Variants in DLEU7 observed in about 807,000 individuals in gnomAD.
DLEU7 encodes leukemia-associated protein 7.
Under a neutral mutation model 16.0 loss-of-function variants are expected in DLEU7, and 17 were observed. The ratio of observed to expected loss-of-function variants is 1.06; its 90% CI spans 0.73 to 1.59. DLEU7 has a LOEUF of 1.59. Among genes scored for constraint, DLEU7 ranks in the 40% most tolerant of loss-of-function variants. The pLI, the probability that DLEU7 is intolerant of heterozygous loss-of-function variation, is 0.00. For synonymous variants in DLEU7, 113 were observed against 139.8 expected (o/e 0.81, Z 1.35); for missense variants, 308 against 314.9 (o/e 0.98, Z 0.17).
intron 1 of DLEU7, among the ~76,000 whole-genome samples, chr13:50,775,264 A>C (rs947840831): frequency 5.3e-5 from 8 of 152,146 alleles, no homozygotes; most frequent in Admixed American, 3.9e-4. Context: ...AGGTAGCTAA[A>C]TTACAGGCAG....
chr13:50,790,794 C>T (rs913315145), intron 1 of DLEU7, among the ~76,000 whole-genome samples: 1 of 152,278 alleles, frequency 6.6e-6, no homozygotes, highest in Admixed American at 6.5e-5. Context: ...AGATTAGCCA[C>T]GGATGCTCTC....
chr13:50,752,052 C>CTTTTTTTTTTT (rs200928092), intron 1 of DLEU7, among the ~76,000 whole-genome samples: 18 of 135,750 alleles, frequency 1.3e-4, no homozygotes, highest in Admixed American at 3.1e-4. Context: ...CTCTTTCAGT[C>CTTTTTTTTTTT]TTTTTTTTTT....
At chr13:50,746,975 A>G (rs9316503) in intron 1 of DLEU7, among the ~76,000 whole-genome samples, 2,263 of 152,284 alleles carry the variant, frequency 0.015, 52 homozygotes, top group African/African-American at 0.051. Flanking sequence ...ACACACATGT[A>G]TAGAGTGAAT....
intron 1 of DLEU7, among the ~76,000 whole-genome samples, chr13:50,799,915 A>G (rs7983074): frequency 0.21 from 31,425 of 152,234 alleles, 4,882 homozygotes; most frequent in African/African-American, 0.42. Flanking sequence ...GATTTGCTGC[A>G]TAACTACTGG....
intron 1 of DLEU7, among the ~76,000 whole-genome samples, chr13:50,749,496 C>A (rs1874498911): frequency 6.6e-6 from 1 of 152,160 alleles, no homozygotes. Context: ...ACTTTTACTT[C>A]TTTAAGGCAT....
At chr13:50,782,969 C>T (rs555674536) in intron 1 of DLEU7, among the ~76,000 whole-genome samples, 16 of 152,276 alleles carry the variant, frequency 1.1e-4, no homozygotes, top group Admixed American at 1.0e-3. Context: ...TGTCTCTTTT[C>T]TATTCTTCCT....
intron 1 of DLEU7, among the ~76,000 whole-genome samples, chr13:50,764,451 C>A (rs1057088515): frequency 6.6e-6 from 1 of 152,228 alleles, no homozygotes; most frequent in Non-Finnish European, 1.5e-5. Context: ...AACAAAACCT[C>A]TGGATGGCCG....
chr13:50,790,672 A>G (rs1245919437), intron 1 of DLEU7, among the ~76,000 whole-genome samples: 2 of 152,078 alleles, frequency 1.3e-5, no homozygotes, highest in Non-Finnish European at 2.9e-5. Flanking sequence ...GGGTGGGCGG[A>G]CAACGTGCTG....
chr13:50,723,481 A>G (rs917181442), intron 1 of DLEU7, among the ~76,000 whole-genome samples: 1 of 151,974 alleles, frequency 6.6e-6, no homozygotes, highest in Admixed American at 6.6e-5. Context: ...ACTAAATACC[A>G]TAGGCGGGGT....
chr13:50,798,423 A>G (rs541848589), intron 1 of DLEU7, among the ~76,000 whole-genome samples: 1 of 152,310 alleles, frequency 6.6e-6, no homozygotes, highest in African/African-American at 2.4e-5. Flanking sequence ...ACTGACACCT[A>G]GGCAATTTGT....
chr13:50,752,324 T>C (rs1246515292), intron 1 of DLEU7, among the ~76,000 whole-genome samples: 1 of 152,142 alleles, frequency 6.6e-6, no homozygotes, highest in East Asian at 1.9e-4. Flanking sequence ...GTGCTGGGAT[T>C]TCAGGTGTGA....
At chr13:50,727,476 A>G (rs1404722861) in intron 1 of DLEU7, among the ~76,000 whole-genome samples, 1 of 152,174 alleles carries the variant, frequency 6.6e-6, no homozygotes, top group Non-Finnish European at 1.5e-5. Context: ...ATGCAATCAC[A>G]GTATTTTCTT....
chr13:50,748,317 CT>C (rs1874463033), intron 1 of DLEU7, among the ~76,000 whole-genome samples: 1 of 135,074 alleles, frequency 7.4e-6, no homozygotes, highest in Non-Finnish European at 1.5e-5. Flanking sequence ...TTGACTGCTG[CT>C]TTCACAGGAC....
At chr13:50,746,815 G>A (rs571980391) in intron 1 of DLEU7, among the ~76,000 whole-genome samples, 23 of 152,280 alleles carry the variant, frequency 1.5e-4, no homozygotes, top group African/African-American at 5.5e-4. Context: ...ACCAAAAAAG[G>A]ATCAGCATTC....
rs539322410 is a variant in DLEU7, at chr13:50,781,795, TA to T, written c.459+61392del. ...TTTGCCTTAGATGAAATAGAACAAA[TA>T]AAAAAAAATTCTACTGAATTGTTTT... On this transcript the variant is annotated intron_variant, in intron 1 of 1. Transcript: ENST00000400393. Among the ~76,000 whole-genome samples the T allele has an allele frequency of 3.1e-3, 465 of 151,866 alleles. 2 individuals are homozygous for T. The highest frequency in any genetic ancestry group is 0.011 in the African/African-American group (436 of 41,432).
chr13:50,753,113 G>GAC (rs35619086), intron 1 of DLEU7, among the ~76,000 whole-genome samples: 86,159 of 151,834 alleles, frequency 0.57, 26,811 homozygotes, highest in African/African-American at 0.84. Flanking sequence ...CCCTGAGCTA[G>GAC]ACAGAGTGCT....
chr13:50,740,555 C>T (rs1874225840), intron 1 of DLEU7, among the ~76,000 whole-genome samples: 1 of 152,106 alleles, frequency 6.6e-6, no homozygotes, highest in African/African-American at 2.4e-5. Flanking sequence ...CACTACCATT[C>T]CACTCAAGAC....
At position 50,786,409 on chromosome 13, in the gene DLEU7, G is replaced by T. The variant is rs78788093; in HGVS notation, c.459+56779C>A. On this transcript the variant is annotated intron_variant, in intron 1 of 1. Coordinates refer to the DLEU7 transcript ENST00000400393. ...CATAGATAAGAGCTAATTTGTATAC[G>T]TGTACTATACAACATTAATACAATT... is the stretch of plus-strand genomic sequence containing the variant. Among the ~76,000 whole-genome samples the T allele has an allele frequency of 2.8e-3, 430 of 152,160 alleles. 2 individuals carry two copies. Among genetic ancestry groups the T allele is most frequent in the African/African-American group, 9.4e-3 (390 of 41,504 alleles).
chr13:50,794,816 A>G (rs79154007), intron 1 of DLEU7, among the ~76,000 whole-genome samples: 6,060 of 152,212 alleles, frequency 0.04, 236 homozygotes, highest in East Asian at 0.19. Flanking sequence ...ATTTACTTCA[A>G]ATGACTTTTA....
Sources: gnomAD v4.1 joint callset for allele counts (sites outside exome capture counted in the v4.1 genomes callset) on GRCh38, gnomAD v4.1.1 for gene constraint, MANE v1.5 for transcripts, NCBI Gene and HGNC (gene_info 2026-07-23, HGNC 2026-07-21) for gene names.